Variants in TANC2 observed in about 807,000 individuals in gnomAD.
TANC2 encodes protein TANC2.
TANC2 carries 26 observed loss-of-function variants against 210.5 expected under a neutral mutation model. The ratio of observed to expected loss-of-function variants is 0.12; its 90% CI spans 0.09 to 0.17. The LOEUF (loss-of-function observed/expected upper bound fraction) is 0.17. Among genes scored for constraint, TANC2 ranks in the 10% least tolerant of loss-of-function variants. TANC2 has a pLI of 1.00. For missense variants in TANC2, 2,129 were observed against 2,608.9 expected (o/e 0.82, Z 4.01); for synonymous variants, 931 against 967.1 (o/e 0.96, Z 0.69).
chr17:63,392,654 T>G (rs1313075452), intron 17 of TANC2, among the ~76,000 whole-genome samples: 1 of 152,130 alleles, frequency 6.6e-6, no homozygotes, highest in Non-Finnish European at 1.5e-5. Flanking sequence ...TTGAAGTAAT[T>G]TTAGACTTTC....
rs558993682 is a variant in TANC2, at chr17:63,406,027, G to A, written c.3466-127G>A. ...TAGGACTATACAGGTACTTATGGGG[G>A]AAGTGGAAAGATACATGGGTGACTC... On this transcript the variant is annotated intron_variant, in intron 20 of 27. Coordinates refer to ENST00000689528, the Ensembl canonical transcript of TANC2. The A allele has an allele frequency of 4.2e-6, 5 of 1,202,226 alleles. No individual in the cohort carries two copies. The South Asian group carries it at 5.7e-5, about 14-fold the overall frequency. 74.5% of individuals were successfully genotyped at this position (1,202,226 alleles called of 1,614,324 possible).
chr17:63,205,219 A>G (rs1184622044), intron 7 of TANC2, among the ~76,000 whole-genome samples: 1 of 152,062 alleles, frequency 6.6e-6, no homozygotes, highest in African/African-American at 2.4e-5. Flanking sequence ...GGAAAATTGA[A>G]TATTGACATG....
chr17:63,389,349 C>T, exon 17 of TANC2: 5 of 1,613,702 alleles, frequency 3.1e-6, no homozygotes, highest in Non-Finnish European at 4.2e-6. Flanking sequence ...ATATTAATTA[C>T]CGGACAGAGG....
intron 11 of TANC2, among the ~76,000 whole-genome samples, chr17:63,323,048 G>A (rs1379950109): frequency 2.0e-5 from 3 of 152,190 alleles, no homozygotes; most frequent in African/African-American, 2.4e-5. Flanking sequence ...ATTGTGCTAC[G>A]TGTTACAGTT....
intron 5 of TANC2, among the ~76,000 whole-genome samples, chr17:63,161,365 T>C (rs1598497931): frequency 6.6e-6 from 1 of 152,010 alleles, no homozygotes; most frequent in South Asian, 2.1e-4. Flanking sequence ...ATGTCTAAAA[T>C]AAAATAAAAT....
At chr17:63,317,291 A>G (rs1260117004) in intron 10 of TANC2, among the ~76,000 whole-genome samples, 1 of 136,156 alleles carries the variant, frequency 7.3e-6, no homozygotes, top group Non-Finnish European at 1.6e-5. Context: ...CTTCCCCCAC[A>G]GAAACTCAGC....
intron 3 of TANC2, among the ~76,000 whole-genome samples, chr17:63,075,916 T>A (rs1490827160): frequency 6.6e-6 from 1 of 152,118 alleles, no homozygotes; most frequent in Non-Finnish European, 1.5e-5. Flanking sequence ...GTTTGTTACC[T>A]CGAGAAACCC....
intron 4 of TANC2, among the ~76,000 whole-genome samples, chr17:63,128,413 G>A (rs1160523277): frequency 6.6e-6 from 1 of 152,094 alleles, no homozygotes; most frequent in Admixed American, 6.6e-5. Flanking sequence ...AGTGAATTTG[G>A]GTGAAGGTAT....
At chr17:63,246,286 G>T (rs2042918974) in intron 8 of TANC2, among the ~76,000 whole-genome samples, 1 of 150,438 alleles carries the variant, frequency 6.6e-6, no homozygotes, top group African/African-American at 2.4e-5. Context: ...TCTGTGTGTG[G>T]ATTTTTAAAA....
chr17:63,425,912 G>A (rs1346974482), exon 28 of TANC2: 1 of 152,274 alleles, frequency 6.6e-6, no homozygotes, highest in Non-Finnish European at 1.5e-5. Context: ...TATAACTCCA[G>A]AAGCGTCACA....
At chr17:63,158,474 G>A (rs2039914183) in intron 5 of TANC2, among the ~76,000 whole-genome samples, 1 of 152,230 alleles carries the variant, frequency 6.6e-6, no homozygotes. Context: ...AGAAGGGACA[G>A]AAAGGTACTC....
intron 5 of TANC2, among the ~76,000 whole-genome samples, chr17:63,159,029 G>A (rs975606869): frequency 6.6e-6 from 1 of 152,186 alleles, no homozygotes; most frequent in African/African-American, 2.4e-5. Flanking sequence ...ACACAACATG[G>A]CACCTTGTTT....
In TANC2 at chr17:63,229,529, T is replaced by G. The variant is rs140190190; in HGVS notation, c.770-8285T>G. On this transcript the variant is annotated intron_variant, in intron 7 of 27. Transcript: ENST00000689528. Reference sequence around the variant, plus strand: ...CAACTCTTTATACCTCTGATAGAATTCAGCTATAAATCCGTCTGGTCCTGG... The same window carrying G: ...CAACTCTTTATACCTCTGATAGAATGCAGCTATAAATCCGTCTGGTCCTGG... 2.4e-3 allele frequency among the ~76,000 whole-genome samples: 352 copies of G among 149,470 alleles called. 4 individuals carry two copies. The highest frequency in any genetic ancestry group is 8.0e-3 in the African/African-American group (322 of 40,480).
intron 8 of TANC2, among the ~76,000 whole-genome samples, chr17:63,252,382 CTCTT>C (rs2043076251): frequency 6.6e-6 from 1 of 151,224 alleles, no homozygotes; most frequent in African/African-American, 2.4e-5. Flanking sequence ...TCCAACTATT[CTCTT>C]TTAGTTATTT....
intron 4 of TANC2, among the ~76,000 whole-genome samples, chr17:63,114,546 A>G (rs191774828): frequency 5.7e-4 from 87 of 152,222 alleles, no homozygotes; most frequent in African/African-American, 2.1e-3. Flanking sequence ...GAAAGACACA[A>G]CCCCGCGTAG....
At chr17:63,299,586 C>A (rs1264394755) in intron 9 of TANC2, among the ~76,000 whole-genome samples, 22 of 137,406 alleles carry the variant, frequency 1.6e-4, no homozygotes, top group African/African-American at 6.1e-4. Context: ...TCTTCTTTTG[C>A]GAAGTGTCTG....
At chr17:63,210,798 A>G (rs551017236) in intron 7 of TANC2, among the ~76,000 whole-genome samples, 3 of 152,302 alleles carry the variant, frequency 2.0e-5, no homozygotes, top group Non-Finnish European at 4.4e-5. Context: ...GCACATTTCA[A>G]TTTTAACTAC....
intron 5 of TANC2, chr17:63,182,491 GA>G (rs1322248313): frequency 3.8e-6 from 1 of 265,504 alleles, no homozygotes; most frequent in East Asian, 9.7e-5. Context: ...ATTTTTGGTG[GA>G]AGGGACCCAT....
chr17:63,200,493 C>G (rs1042607439), intron 6 of TANC2, among the ~76,000 whole-genome samples: 10 of 151,982 alleles, frequency 6.6e-5, no homozygotes, highest in African/African-American at 2.2e-4. Flanking sequence ...AAAAATTTCT[C>G]TATTCTATTA....
Sources: allele counts gnomAD v4.1 joint callset (sites outside exome capture counted in the v4.1 genomes callset), GRCh38; gene constraint gnomAD v4.1.1; transcripts MANE v1.5; gene names NCBI Gene and HGNC (gene_info 2026-07-23, HGNC 2026-07-21).